The following OPCML variants were observed in gnomAD, a reference collection of about 807,000 sequenced individuals.
OPCML encodes the protein opioid binding protein/cell adhesion molecule like, also known as opioid-binding protein/cell adhesion molecule.
In OPCML, 13 loss-of-function variants were observed where a neutral mutation model predicts 37.8. That is an observed-to-expected ratio of 0.34 (90% CI 0.22 to 0.55). OPCML has a LOEUF of 0.55. OPCML is among the 20% of genes least tolerant of loss of function. The pLI, the probability that OPCML is intolerant of heterozygous loss-of-function variation, is 0.91. For missense variants in OPCML, 341 were observed against 435.6 expected, an observed-to-expected ratio of 0.78 and a Z score of 1.93; for synonymous variants, 176 against 168.8, an observed-to-expected ratio of 1.04 and a Z score of -0.33.
In OPCML at chr11:133,041,176, C is replaced by A. The variant is rs116985767; in HGVS notation, c.62-98166G>T. On this transcript the variant is annotated intron_variant, in intron 1 of 7. Coordinates refer to ENST00000524381, the MANE Select transcript of OPCML (RefSeq NM_001012393.5). ...CATTTGGGATTCTTACTCATGGGAA[C>A]ATGTTTGGTTTTAATCTGTGTGATG... Among the ~76,000 whole-genome samples, 553 of 152,290 alleles carry A rather than the reference C, an allele frequency of 3.6e-3. 1 individual carries two copies. The highest frequency in any genetic ancestry group is 6.0e-3 in the Non-Finnish European group (407 of 68,020).
intron 2 of OPCML, among the ~76,000 whole-genome samples, chr11:132,930,599 T>A (rs566050636): frequency 4.1e-4 from 63 of 152,162 alleles, no homozygotes; most frequent in South Asian, 1.5e-3. Flanking sequence ...ATAAAAAAAA[T>A]TTTATTTCCA....
intron 1 of OPCML, among the ~76,000 whole-genome samples, chr11:133,472,224 C>T (rs1325471657): frequency 1.3e-5 from 2 of 152,116 alleles, no homozygotes; most frequent in African/African-American, 2.4e-5. Flanking sequence ...TGCCAGAAGC[C>T]GGGCCAAGCC....
At chr11:133,008,408 G>C in intron 1 of OPCML, 1 of 985,356 alleles carries the variant, frequency 1.0e-6, no homozygotes, top group Admixed American at 6.1e-5. Flanking sequence ...TTGTGCTCAG[G>C]AGGTCCTTTT....
chr11:133,127,725 A>C (rs774077586), intron 1 of OPCML, among the ~76,000 whole-genome samples: 8 of 152,110 alleles, frequency 5.3e-5, no homozygotes, highest in African/African-American at 9.7e-5. Flanking sequence ...ATGTGAACAA[A>C]ACAAATTGCT....
intron 1 of OPCML, among the ~76,000 whole-genome samples, chr11:133,322,015 T>C (rs1353273494): frequency 6.6e-6 from 1 of 152,194 alleles, no homozygotes; most frequent in Non-Finnish European, 1.5e-5. Context: ...ACGCAACACA[T>C]GCGGTTTCAT....
At chr11:132,631,621 G>C (rs956581603) in intron 3 of OPCML, among the ~76,000 whole-genome samples, 1 of 150,086 alleles carries the variant, frequency 6.7e-6, no homozygotes, top group African/African-American at 2.5e-5. Flanking sequence ...CACCACGCCC[G>C]GCTAATTTTT....
chr11:132,978,851 C>T, intron 1 of OPCML, among the ~76,000 whole-genome samples: 1 of 152,138 alleles, frequency 6.6e-6, no homozygotes, highest in East Asian at 1.9e-4. Context: ...ATCTCTTTCT[C>T]CGAATTCCAG....
chr11:132,849,480 A>C (rs1340033760), intron 2 of OPCML, among the ~76,000 whole-genome samples: 1 of 152,234 alleles, frequency 6.6e-6, no homozygotes, highest in Non-Finnish European at 1.5e-5. Context: ...AGCTGACCAT[A>C]AAGAGGCAAA....
At position 132,617,873 on chromosome 11, in the gene OPCML, C is replaced by G. The variant is rs138712819; in HGVS notation, c.379+39214G>C. ...TGAACCCATTTAACTCTCATTACCT[C>G]TTCAAAGACCCTGTCTCCCAAAATA... On this transcript the variant is annotated intron_variant, in intron 3 of 7. Transcript: ENST00000524381. 3.5e-3 allele frequency among the ~76,000 whole-genome samples: 533 copies of G among 152,342 alleles called. 3 individuals are homozygous for G. The highest frequency in any genetic ancestry group is 0.012 in the African/African-American group (502 of 41,586).
chr11:132,592,848 G>T (rs1266760445), intron 3 of OPCML, among the ~76,000 whole-genome samples: 2 of 152,172 alleles, frequency 1.3e-5, no homozygotes, highest in Non-Finnish European at 2.9e-5. Flanking sequence ...CTGGAACGTA[G>T]TAAACACACA....
At chr11:132,689,999 A>T (rs921081807) in intron 2 of OPCML, among the ~76,000 whole-genome samples, 1 of 152,244 alleles carries the variant, frequency 6.6e-6, no homozygotes, top group Non-Finnish European at 1.5e-5. Context: ...GCAACATTCT[A>T]AACAAGTTTC....
At chr11:133,020,066 C>T (rs566680790) in intron 1 of OPCML, among the ~76,000 whole-genome samples, 2 of 152,278 alleles carry the variant, frequency 1.3e-5, no homozygotes, top group African/African-American at 2.4e-5. Context: ...CGGATGCGGT[C>T]GGAATGAGCT....
chr11:133,463,875 A>G (rs1461065662), intron 1 of OPCML, among the ~76,000 whole-genome samples: 2 of 152,204 alleles, frequency 1.3e-5, no homozygotes, highest in African/African-American at 2.4e-5. Context: ...ATTGAAATAG[A>G]TCTTCAACAA....
At chr11:132,611,159 C>T (rs151115396) in intron 3 of OPCML, among the ~76,000 whole-genome samples, 3 of 152,294 alleles carry the variant, frequency 2.0e-5, no homozygotes, top group African/African-American at 7.2e-5. Context: ...CAGTTTTTAA[C>T]GGGGGTGGTT....
chr11:133,310,606 C>T (rs956346465), intron 1 of OPCML, among the ~76,000 whole-genome samples: 1 of 152,248 alleles, frequency 6.6e-6, no homozygotes, highest in African/African-American at 2.4e-5. Flanking sequence ...TCCCAGCAGG[C>T]CGTTTCCAGA....
At chr11:133,054,287 C>T (rs1265732479) in intron 1 of OPCML, among the ~76,000 whole-genome samples, 1 of 152,168 alleles carries the variant, frequency 6.6e-6, no homozygotes, top group African/African-American at 2.4e-5. Flanking sequence ...TACCTGTCAT[C>T]AAACCCAAAC....
intron 3 of OPCML, among the ~76,000 whole-genome samples, chr11:132,596,650 G>T (rs1329914168): frequency 6.6e-6 from 1 of 152,126 alleles, no homozygotes; most frequent in Non-Finnish European, 1.5e-5. Context: ...ACAGTCTTTT[G>T]CTTCTGTGAT....
At chr11:133,405,530 G>T (rs1276909028) in intron 1 of OPCML, among the ~76,000 whole-genome samples, 1 of 152,158 alleles carries the variant, frequency 6.6e-6, no homozygotes, top group Non-Finnish European at 1.5e-5. Flanking sequence ...TCAGAAAAAG[G>T]ATACCCTCGG....
chr11:133,260,792 A>G (rs1267454625), intron 1 of OPCML, among the ~76,000 whole-genome samples: 1 of 152,232 alleles, frequency 6.6e-6, no homozygotes, highest in Non-Finnish European at 1.5e-5. Flanking sequence ...CACATCTGGA[A>G]TCCACGTACT....
Sources: allele counts gnomAD v4.1 joint callset (sites outside exome capture counted in the v4.1 genomes callset), GRCh38; gene constraint gnomAD v4.1.1; transcripts MANE v1.5; gene names NCBI Gene and HGNC (gene_info 2026-07-23, HGNC 2026-07-21).